The following HDGF variants were observed in gnomAD, a reference collection of about 807,000 sequenced individuals.
HDGF encodes the protein heparin binding growth factor.
Under a neutral mutation model 30.0 loss-of-function variants are expected in HDGF, and 5 were observed. The observed-to-expected ratio is 0.17, with a 90% CI of 0.09 to 0.35. The LOEUF is 0.35. Among genes scored for constraint, HDGF ranks in the 10% least tolerant of loss-of-function variants. The pLI is 1.00. For missense variants in HDGF, 214 were observed against 302.8 expected (o/e 0.71, Z 2.18); for synonymous variants, 133 against 112.7 (o/e 1.18, Z -1.14).
chr1:156,747,604 G>A (rs1189897394), intron 1 of HDGF: 1 of 152,116 alleles, frequency 6.6e-6, no homozygotes, highest in East Asian at 1.9e-4. Flanking sequence ...GCCTTTCCTA[G>A]GCCTTTCTTC....
At position 156,743,816 on chromosome 1, in the gene HDGF, G is replaced by T; in HGVS notation, c.552C>A (p.Thr184=). The stretch of plus-strand genomic sequence containing the variant: ...TAGGAAGGGGCCTCTCAACCTCCAA[G>T]GTGGCTGCCTCCTTCTCCTCTCCTT... ...NPEGEEKEAA[T]LEVERPLPME... Residue 184 remains threonine, a synonymous_variant, in exon 5 of 6, where the codon ACC becomes ACA. Transcript: ENST00000357325. The T allele has an allele frequency of 6.2e-7, 1 of 1,611,730 alleles. No homozygotes were observed. Among genetic ancestry groups the T allele is most frequent in the Middle Eastern group, 1.7e-4 (1 of 6,034 alleles).
In HDGF at chr1:156,742,543, C is replaced by G. The variant is rs1424091745; in HGVS notation, c.*906G>C. On this transcript the variant is annotated 3_prime_UTR_variant, in exon 6 of 6. Coordinates refer to ENST00000357325, the MANE Select transcript of HDGF (RefSeq NM_004494.3). ...CTTTAAAATTTTTTTTTGTAATTTT[C>G]TTTTATTAAAAACATTTCCTAAAAA... The G allele has an allele frequency of 6.5e-5, 10 of 152,804 alleles. No individual in the cohort carries two copies. Among genetic ancestry groups the G allele is most frequent in the Admixed American group, 1.3e-4 (2 of 15,292 alleles). The allele number at this position is 152,804 out of a possible 1,614,324, so 9.5% of individuals were successfully genotyped here.
chr1:156,755,204 TGAG>T (rs1651134975), upstream of HDGF, among the ~76,000 whole-genome samples: 1 of 152,132 alleles, frequency 6.6e-6, no homozygotes, highest in African/African-American at 2.4e-5. Flanking sequence ...GGACAGAAGT[TGAG>T]GGACTTGGGA....
Position 156,743,606 on chromosome 1 carries a change from C to T in HDGF, c.716+46G>A, listed in dbSNP as rs570016544. 6.0e-5 allele frequency: 93 copies of T among 1,559,780 alleles called. 1 individual carries two copies. The Admixed American group carries it at 1.1e-3, about 18-fold the overall frequency. On this transcript the variant is annotated intron_variant, in intron 5 of 5. Coordinates refer to ENST00000357325, the MANE Select transcript of HDGF (RefSeq NM_004494.3). The stretch of plus-strand genomic sequence containing the variant: ...TTTCATCCTCTTCTCCGAGAGTGGC[C>T]GGTCCCCCCTAGTCCAGCTGCCAAG...
At chr1:156,759,138 G>A (rs1364530474) in exon 2 of HDGF, 1 of 152,158 alleles carries the variant, frequency 6.6e-6, no homozygotes, top group African/African-American at 2.4e-5. Context: ...CAAAGCACCT[G>A]AAGATCTTCA....
At chr1:156,755,219 C>T (rs1158618208), upstream of HDGF, among the ~76,000 whole-genome samples, 2 of 152,132 alleles carry the variant, frequency 1.3e-5, no homozygotes, top group African/African-American at 2.4e-5. Flanking sequence ...GACTTGGGAC[C>T]CCAAAGCAGA....
chr1:156,758,639 G>A (rs1651195385), intron 2 of HDGF, among the ~76,000 whole-genome samples: 1 of 115,206 alleles, frequency 8.7e-6, no homozygotes, highest in South Asian at 3.1e-4. Context: ...TTAGCCGGGT[G>A]TGGTGGTGGG....
At chr1:156,754,289 C>T (rs1017225202), upstream of HDGF, among the ~76,000 whole-genome samples, 1 of 152,208 alleles carries the variant, frequency 6.6e-6, no homozygotes, top group African/African-American at 2.4e-5. Context: ...TCCCATTTCT[C>T]CACTTTGTTG....
At chr1:156,762,872 C>CAA (rs148807506) in intron 1 of HDGF, among the ~76,000 whole-genome samples, 2 of 135,218 alleles carry the variant, frequency 1.5e-5, no homozygotes, top group Middle Eastern at 3.7e-3. Context: ...AACTCCGTCT[C>CAA]AAAAAAAAAA....
intron 5 of HDGF, 82 bp downstream of exon 5, chr1:156,743,570 C>T: frequency 1.3e-6 from 2 of 1,555,938 alleles, no homozygotes. Context: ...AGGCTGACCA[C>T]TGCAGGCCCT....
chr1:156,765,096 T>C (rs962935686), intron 1 of HDGF, among the ~76,000 whole-genome samples: 12 of 136,436 alleles, frequency 8.8e-5, no homozygotes, highest in East Asian at 2.3e-4. Flanking sequence ...CCCCCCGCCC[T>C]TTTTTTTTTT....
upstream of HDGF, among the ~76,000 whole-genome samples, chr1:156,754,820 C>T (rs547418573): frequency 4.6e-5 from 7 of 152,258 alleles, no homozygotes; most frequent in East Asian, 1.4e-3. Context: ...GTGTGGCAGG[C>T]GCCTGTAATC....
intron 1 of HDGF, among the ~76,000 whole-genome samples, chr1:156,765,373 G>C (rs1390792649): frequency 1.3e-5 from 2 of 151,420 alleles, no homozygotes; most frequent in African/African-American, 4.9e-5. Context: ...GATTATAGGC[G>C]TGAGCCACCG....
chr1:156,754,295 T>C (rs1218900251), upstream of HDGF, among the ~76,000 whole-genome samples: 1 of 152,226 alleles, frequency 6.6e-6, no homozygotes, highest in African/African-American at 2.4e-5. Context: ...TTCTCCACTT[T>C]GTTGCATCAT....
At chr1:156,745,211 T>C (rs1158836301) in intron 2 of HDGF, 65 bp from the exon 3 acceptor site, 3 of 1,610,592 alleles carry the variant, frequency 1.9e-6, no homozygotes, top group Non-Finnish European at 2.5e-6. Context: ...CAGCCCGGCA[T>C]GAAAGGGGCA....
upstream of HDGF, among the ~76,000 whole-genome samples, chr1:156,767,135 C>T (rs1174333058): frequency 6.6e-6 from 1 of 152,194 alleles, no homozygotes; most frequent in Admixed American, 6.5e-5. Flanking sequence ...CTCAATCCGC[C>T]AGCTTCCCAG....
upstream of HDGF, among the ~76,000 whole-genome samples, chr1:156,754,009 A>G (rs1183068874): frequency 6.8e-6 from 1 of 146,426 alleles, no homozygotes; most frequent in African/African-American, 2.5e-5. Context: ...TCCGCCTCCC[A>G]GGATCAAGCG....
chr1:156,752,585 A>G (rs1471592498), upstream of HDGF: 2 of 568,512 alleles, frequency 3.5e-6, no homozygotes, highest in African/African-American at 1.9e-5. Context: ...TGAACTGGGC[A>G]TTAAAGAATG....
intron 1 of HDGF, among the ~76,000 whole-genome samples, chr1:156,760,843 CTT>C (rs10718204): frequency 6.9e-5 from 10 of 144,646 alleles, no homozygotes; most frequent in South Asian, 2.2e-4. Flanking sequence ...CTCCCCCAGC[CTT>C]TTTTTTTTTT....
Sources: allele counts gnomAD v4.1 joint callset (sites outside exome capture counted in the v4.1 genomes callset), GRCh38; gene constraint gnomAD v4.1.1; transcripts MANE v1.5; gene names NCBI Gene and HGNC (gene_info 2026-07-23, HGNC 2026-07-21).